The following ITFG1 variants were observed in gnomAD, a reference collection of about 807,000 sequenced individuals.
ITFG1 encodes the protein T-cell immunomodulatory protein.
Under a neutral mutation model 81.8 loss-of-function variants are expected in ITFG1, and 34 were observed. The observed-to-expected ratio is 0.42, with a 90% CI of 0.32 to 0.55. ITFG1 has a LOEUF of 0.55. Ranked by LOEUF, ITFG1 falls within the 20% of genes least tolerant of loss-of-function variation. The probability of loss-of-function intolerance (pLI) is 0.17; values close to 1 mark genes in which losing one functional copy is unlikely to be tolerated. For missense variants in ITFG1, 672 were observed against 755.4 expected, an observed-to-expected ratio of 0.89 and a Z score of 1.29; for synonymous variants, 285 against 270.6, an observed-to-expected ratio of 1.05 and a Z score of -0.52.
At chr16:47,298,793 T>C (rs530953444) in intron 10 of ITFG1, among the ~76,000 whole-genome samples, 33 of 152,310 alleles carry the variant, frequency 2.2e-4, no homozygotes, top group African/African-American at 7.2e-4. Flanking sequence ...CAGTAGGTGG[T>C]ACATGCCAGT....
chr16:47,258,768 G>T, intron 11 of ITFG1, 28 bp from the exon 12 acceptor site: 2 of 1,065,880 alleles, frequency 1.9e-6, no homozygotes, highest in South Asian at 1.5e-5. Flanking sequence ...AAAATGGTAA[G>T]AACAAACTAT....
intron 14 of ITFG1, chr16:47,202,456 TA>T (rs1965437551): frequency 6.6e-6 from 1 of 152,188 alleles, no homozygotes; most frequent in Non-Finnish European, 1.5e-5. Context: ...CTCATAATTT[TA>T]AAAATGTCTG....
At chr16:47,447,230 C>T (rs1413003914) in intron 5 of ITFG1, among the ~76,000 whole-genome samples, 2 of 151,954 alleles carry the variant, frequency 1.3e-5, no homozygotes, top group African/African-American at 4.8e-5. Context: ...ATGGTTTCTC[C>T]CCAAACAAGG....
chr16:47,247,958 T>C (rs1400604101), intron 12 of ITFG1, among the ~76,000 whole-genome samples: 1 of 152,180 alleles, frequency 6.6e-6, no homozygotes, highest in Non-Finnish European at 1.5e-5. Flanking sequence ...ATGTCAGAAA[T>C]GCAGAGCAGA....
At chr16:47,208,996 G>A (rs2151523405) in intron 14 of ITFG1, among the ~76,000 whole-genome samples, 1 of 152,180 alleles carries the variant, frequency 6.6e-6, no homozygotes, top group Admixed American at 6.5e-5. Context: ...GTTTATCATT[G>A]TCATCCAACT....
At chr16:47,358,879 C>T (rs1265817080) in intron 8 of ITFG1, among the ~76,000 whole-genome samples, 1 of 151,990 alleles carries the variant, frequency 6.6e-6, no homozygotes, top group Admixed American at 6.6e-5. Flanking sequence ...GGTGAGGGCA[C>T]ATGAGTAGAA....
intron 10 of ITFG1, among the ~76,000 whole-genome samples, chr16:47,296,202 G>C (rs1414126347): frequency 6.6e-6 from 1 of 151,298 alleles, no homozygotes; most frequent in Non-Finnish European, 1.5e-5. Context: ...GCCCAAAGAC[G>C]CTGAGACTAC....
intron 8 of ITFG1, among the ~76,000 whole-genome samples, chr16:47,333,380 A>C (rs1182602733): frequency 6.6e-6 from 1 of 152,168 alleles, no homozygotes; most frequent in East Asian, 1.9e-4. Context: ...CTGAAACTGA[A>C]AAGTGTTTGT....
intron 8 of ITFG1, among the ~76,000 whole-genome samples, chr16:47,322,692 A>G (rs1308110243): frequency 2.0e-5 from 3 of 152,230 alleles, no homozygotes; most frequent in Non-Finnish European, 4.4e-5. Context: ...TCTGTCTCAC[A>G]CACACACAAA....
At chr16:47,345,084 TA>T (rs1015377042) in intron 8 of ITFG1, among the ~76,000 whole-genome samples, 32 of 152,142 alleles carry the variant, frequency 2.1e-4, no homozygotes, top group African/African-American at 7.2e-4. Context: ...AGTAAACAAA[TA>T]ATTACTATAG....
intron 5 of ITFG1, among the ~76,000 whole-genome samples, chr16:47,430,234 T>A (rs1969077804): frequency 7.0e-6 from 1 of 143,374 alleles, no homozygotes; most frequent in Admixed American, 7.0e-5. Context: ...ATTTTTTGTA[T>A]TTTTTTTTTT....
At chr16:47,434,879 C>T (rs1969145206) in intron 5 of ITFG1, among the ~76,000 whole-genome samples, 1 of 152,174 alleles carries the variant, frequency 6.6e-6, no homozygotes, top group South Asian at 2.1e-4. Flanking sequence ...TCTGCAGGGA[C>T]ATGAATGTAG....
chr16:47,181,125 G>C (rs1965106582), intron 14 of ITFG1, among the ~76,000 whole-genome samples: 1 of 150,000 alleles, frequency 6.7e-6, no homozygotes, highest in Non-Finnish European at 1.5e-5. Flanking sequence ...CATCGTCTGA[G>C]ATGTGGGGAG....
At chr16:47,271,371 A>T (rs1241076902) in intron 10 of ITFG1, among the ~76,000 whole-genome samples, 1 of 152,246 alleles carries the variant, frequency 6.6e-6, no homozygotes, top group East Asian at 1.9e-4. Flanking sequence ...AAAGCTCAAC[A>T]TCATTAGCCA....
At chr16:47,344,309 T>A (rs1454347118) in intron 8 of ITFG1, among the ~76,000 whole-genome samples, 2 of 152,192 alleles carry the variant, frequency 1.3e-5, no homozygotes, top group East Asian at 3.8e-4. Flanking sequence ...AAAAAGTAGA[T>A]TAGTAGTCAT....
At chr16:47,379,745 A>G (rs1254170601) in intron 6 of ITFG1, among the ~76,000 whole-genome samples, 3 of 151,900 alleles carry the variant, frequency 2.0e-5, no homozygotes, top group South Asian at 2.1e-4. Flanking sequence ...GGCAGGCAAT[A>G]TGGGTTCCTT....
At chr16:47,401,487 A>G (rs757939053) in intron 6 of ITFG1, among the ~76,000 whole-genome samples, 28 of 152,178 alleles carry the variant, frequency 1.8e-4, no homozygotes, top group Non-Finnish European at 1.8e-4. Flanking sequence ...CTTTACCCAC[A>G]CTTATGGGAC....
intron 10 of ITFG1, among the ~76,000 whole-genome samples, chr16:47,304,734 G>A (rs768533466): frequency 2.0e-5 from 3 of 152,086 alleles, no homozygotes; most frequent in Non-Finnish European, 2.9e-5. Flanking sequence ...TTCCACACAC[G>A]ATAACCACTA....
At chr16:47,355,944 T>C (rs1361895113) in intron 8 of ITFG1, among the ~76,000 whole-genome samples, 1 of 152,176 alleles carries the variant, frequency 6.6e-6, no homozygotes, top group Non-Finnish European at 1.5e-5. Flanking sequence ...AACACATGGT[T>C]CTAAAAGCAA....
Sources: allele counts gnomAD v4.1 joint callset (sites outside exome capture counted in the v4.1 genomes callset), GRCh38; gene constraint gnomAD v4.1.1; transcripts MANE v1.5; gene names NCBI Gene and HGNC (gene_info 2026-07-23, HGNC 2026-07-21).